The following DEF6 variants were observed in gnomAD, a reference collection of about 807,000 sequenced individuals.
The protein encoded by DEF6 is DEF6 guanine nucleotide exchange factor.
DEF6 carries 32 observed loss-of-function variants against 80.5 expected under a neutral mutation model. The observed-to-expected ratio is 0.40, with a 90% CI of 0.30 to 0.53. DEF6 has a LOEUF of 0.53. Ranked by LOEUF, DEF6 falls within the 20% of genes least tolerant of loss-of-function variation. The pLI, the probability that DEF6 is intolerant of heterozygous loss-of-function variation, is 0.57. For missense variants in DEF6, 575 were observed against 818.7 expected, an observed-to-expected ratio of 0.70 and a Z score of 3.63; for synonymous variants, 300 against 337.9, an observed-to-expected ratio of 0.89 and a Z score of 1.23.
In DEF6 at chr6:35,312,341, T is replaced by C. The variant is rs750165093; in HGVS notation, c.463T>C (p.Leu155=). ...GAAAAAGGTACTCAGCAGCATGAGC[T>C]TGGAGGTGAGCTTGGGTGAGCTGGA... is the stretch of plus-strand genomic sequence containing the variant. ...LLKKVLSSMS[L]EVSLGELEEL... The change falls in exon 4 of 11, where the codon TTG becomes CTG. Residue 155 remains leucine, a synonymous_variant. Coordinates refer to ENST00000316637, the MANE Select transcript of DEF6 (RefSeq NM_022047.4). This position sits in a 1 kb window ranked among gnomAD's most constrained non-coding sequence, Gnocchi z 6.6. 6.2e-7 allele frequency: 1 copy of C among 1,614,118 alleles called. No homozygotes were observed. The highest frequency in any genetic ancestry group is 8.5e-7 in the Non-Finnish European group (1 of 1,179,984).
chr6:35,314,037 T>C (rs1340452866), intron 5 of DEF6, among the ~76,000 whole-genome samples: 2 of 152,234 alleles, frequency 1.3e-5, no homozygotes, highest in Non-Finnish European at 2.9e-5. Context: ...CCATAGTAGC[T>C]GTACTAATTT....
At chr6:35,298,418 C>T (rs1013662544) in intron 1 of DEF6, among the ~76,000 whole-genome samples, 2 of 152,222 alleles carry the variant, frequency 1.3e-5, no homozygotes, top group East Asian at 1.9e-4. Flanking sequence ...GGGCCGCCCC[C>T]AGTCCCAAAC....
intron 1 of DEF6, among the ~76,000 whole-genome samples, chr6:35,305,502 CAAAAAT>C (rs1791376927): frequency 6.6e-6 from 1 of 151,708 alleles, no homozygotes; most frequent in Non-Finnish European, 1.5e-5. Flanking sequence ...AATAAATAAA[CAAAAAT>C]AAAAATGAAT....
intron 1 of DEF6, among the ~76,000 whole-genome samples, chr6:35,300,008 T>C (rs1425490887): frequency 6.6e-6 from 1 of 152,084 alleles, no homozygotes; most frequent in African/African-American, 2.4e-5. Flanking sequence ...GAAAAGACCT[T>C]GGAGTCAATC....
chr6:35,299,513 A>G (rs1791284742), intron 1 of DEF6, among the ~76,000 whole-genome samples: 1 of 152,136 alleles, frequency 6.6e-6, no homozygotes, highest in Admixed American at 6.5e-5. Context: ...TGGTGCCATC[A>G]GCCAGTAAAG....
chr6:35,312,490 G>T lies in DEF6; in HGVS notation c.612G>T (p.Met204Ile). 1.2e-6 allele frequency: 2 copies of T among 1,614,178 alleles called. No individual in the cohort carries two copies. Among genetic ancestry groups the T allele is most frequent in the Non-Finnish European group, 1.7e-6 (2 of 1,180,044 alleles). The change falls in exon 4 of 11, where the codon ATG (methionine) becomes ATT (isoleucine). Residue 204 changes from methionine to isoleucine, a missense_variant. Physicochemically the swap from Met to Ile is conservative, Grantham distance 10. Coordinates refer to ENST00000316637, the MANE Select transcript of DEF6 (RefSeq NM_022047.4). The surrounding 1 kb of genome is among the most constrained non-coding windows in gnomAD (Gnocchi z 6.6). Reference protein sequence around the residue: ...LRGVGRDTLSMAIHEVYQELI... With the variant: ...LRGVGRDTLSIAIHEVYQELI... Reference sequence around the variant, plus strand: ...GCGTGGGCCGGGACACCCTCAGCATGGCCATCCACGAGGTCTACCAGGAGC... The same window carrying T: ...GCGTGGGCCGGGACACCCTCAGCATTGCCATCCACGAGGTCTACCAGGAGC...
At chr6:35,320,438 A>C (rs1053097681) in intron 9 of DEF6, among the ~76,000 whole-genome samples, 12 of 152,126 alleles carry the variant, frequency 7.9e-5, no homozygotes, top group African/African-American at 2.9e-4. Flanking sequence ...GATCCCCCCC[A>C]CCTCACAACC....
rs998522033 is a variant in DEF6, at chr6:35,318,082, C to A, written c.916+83C>A. 1.9e-6 allele frequency: 3 copies of A among 1,545,380 alleles called. No homozygotes were observed. Among genetic ancestry groups the A allele is most frequent in the Admixed American group, 2.0e-5 (1 of 50,486 alleles). On this transcript the variant is annotated intron_variant, in intron 6 of 10. Transcript: ENST00000316637. This position sits in a 1 kb window ranked among gnomAD's most constrained non-coding sequence, Gnocchi z 5.1. ...AAGGGGGTGATAATACTTTGTCCAG[C>A]GGGAGGTTGGAGAGTGGACTCGGGA...
At chr6:35,311,125 A>G (rs1457994278) in intron 3 of DEF6, among the ~76,000 whole-genome samples, 1 of 152,156 alleles carries the variant, frequency 6.6e-6, no homozygotes, top group Non-Finnish European at 1.5e-5. Context: ...AAACTCAGCT[A>G]AGAGACCCAG....
chr6:35,318,424 C>A lies in DEF6; in HGVS notation c.1168C>A (p.Arg390Ser), dbSNP rs1791548849. ...GGAGGAACGGCGCCGCAGCCAGCAC[C>A]GCGAGCTGCAGCAGGCGCTCGAGGG... ...EEEERRRSQH[R>S]ELQQALEGQL... is the part of the protein sequence containing the mutation. The change falls in exon 7 of 11, where the codon CGC (arginine) becomes AGC (serine). Residue 390 changes from arginine to serine, a missense_variant. Coordinates refer to ENST00000316637, the MANE Select transcript of DEF6 (RefSeq NM_022047.4). The surrounding 1 kb of genome is among the most constrained non-coding windows in gnomAD (Gnocchi z 5.1). 6.6e-7 allele frequency: 1 copy of A among 1,508,364 alleles called. No individual in the cohort carries two copies. The highest frequency in any genetic ancestry group is 8.8e-7 in the Non-Finnish European group (1 of 1,135,228). 93.4% of individuals were successfully genotyped at this position (1,508,364 alleles called of 1,614,324 possible).
rs1287819065 is a variant in DEF6, at chr6:35,319,082, G to A, written c.1216-442G>A. 6.6e-6 allele frequency among the ~76,000 whole-genome samples: 1 copy of A among 152,048 alleles called. No homozygotes were observed. Among genetic ancestry groups the A allele is most frequent in the Non-Finnish European group, 1.5e-5 (1 of 68,022 alleles). The stretch of plus-strand genomic sequence containing the variant: ...CACAGAGGTACGGTGAGGATTAAAT[G>A]AGGAAACACTTGTAGTGTCCAGTAA... On this transcript the variant is annotated intron_variant, in intron 7 of 10. Transcript: ENST00000316637. This position sits in a 1 kb window ranked among gnomAD's most constrained non-coding sequence, Gnocchi z 4.5.
chr6:35,306,217 G>T (rs1489825027), intron 1 of DEF6, among the ~76,000 whole-genome samples: 2 of 148,904 alleles, frequency 1.3e-5, no homozygotes, highest in Non-Finnish European at 3.0e-5. Flanking sequence ...AAGTAAAGAA[G>T]AATATAATGT....
chr6:35,311,802 A>G (rs1302223465), intron 3 of DEF6, among the ~76,000 whole-genome samples: 1 of 152,066 alleles, frequency 6.6e-6, no homozygotes, highest in African/African-American at 2.4e-5. Flanking sequence ...CTCTCCCACA[A>G]GGGAAAGATC....
At position 35,321,492 on chromosome 6, in the gene DEF6, A is replaced by G; in HGVS notation, c.*82A>G. 7.5e-7 allele frequency: 1 copy of G among 1,338,258 alleles called. No individual in the cohort carries two copies. Among genetic ancestry groups the G allele is most frequent in the Non-Finnish European group, 1.0e-6 (1 of 964,304 alleles). 82.9% of individuals were successfully genotyped at this position (1,338,258 alleles called of 1,614,324 possible). On this transcript the variant is annotated 3_prime_UTR_variant, in exon 11 of 11. Transcript: ENST00000316637. The stretch of plus-strand genomic sequence containing the variant: ...TGGCCTGTGGGTGATCCCAGCTCTT[A>G]CTAGGAGAGGGAGCTGAGGTCCTGG...
chr6:35,299,879 C>T (rs148795252), intron 1 of DEF6, among the ~76,000 whole-genome samples: 2,109 of 151,186 alleles, frequency 0.014, 20 homozygotes, highest in Middle Eastern at 0.027. Context: ...TGTTGGGGGG[C>T]GGGGATTCCA....
intron 5 of DEF6, among the ~76,000 whole-genome samples, chr6:35,314,674 G>A (rs1198971704): frequency 2.0e-5 from 3 of 152,006 alleles, no homozygotes; most frequent in Admixed American, 1.3e-4. Flanking sequence ...TTAATCCCTC[G>A]TCAGATTGAT....
intron 1 of DEF6, 129 bp downstream of exon 1, chr6:35,298,081 C>A (rs1402985369): frequency 1.2e-6 from 1 of 839,622 alleles, no homozygotes. Flanking sequence ...GGCCTGGGGT[C>A]GGGGGGCTGG....
intron 1 of DEF6, among the ~76,000 whole-genome samples, chr6:35,306,511 TAAAAA>T: frequency 7.1e-6 from 1 of 140,894 alleles, no homozygotes; most frequent in East Asian, 2.1e-4. Flanking sequence ...AATTCTGTCT[TAAAAA>T]AAAAAAAAAG....
intron 5 of DEF6, among the ~76,000 whole-genome samples, chr6:35,315,847 CTTTTTTTTT>C (rs1159503411): frequency 1.8e-5 from 2 of 113,818 alleles, no homozygotes; most frequent in African/African-American, 7.5e-5. Context: ...GTTGGAGTCC[CTTTTTTTTT>C]TTTTTTTTTT....
Sources: allele counts gnomAD v4.1 joint callset (sites outside exome capture counted in the v4.1 genomes callset), GRCh38; gene constraint gnomAD v4.1.1; non-coding constraint Gnocchi (gnomAD v3.1); transcripts MANE v1.5; gene names NCBI Gene and HGNC (gene_info 2026-07-23, HGNC 2026-07-21).